PRR16: variants seen among roughly 807,000 people sequenced by gnomAD.
PRR16 encodes the protein protein Largen.
Under a neutral mutation model 18.2 loss-of-function variants are expected in PRR16, and 6 were observed. That is an observed-to-expected ratio of 0.33 (90% CI 0.18 to 0.65). The LOEUF is 0.65. PRR16 is among the 30% of genes least tolerant of loss of function. The pLI is 0.74. For missense variants in PRR16, 412 were observed against 376.6 expected, an observed-to-expected ratio of 1.09 and a Z score of -0.78; for synonymous variants, 151 against 147.8, an observed-to-expected ratio of 1.02 and a Z score of -0.16.
chr5:120,770,573 G>C, the PRR16 span, among the ~76,000 whole-genome samples: 1 of 151,954 alleles, frequency 6.6e-6, no homozygotes, highest in African/African-American at 2.4e-5. Context: ...AGCCAAGTGA[G>C]ACTGTATCAC....
intron 1 of PRR16, among the ~76,000 whole-genome samples, chr5:120,606,520 T>G (rs1754158572): frequency 6.6e-6 from 1 of 152,162 alleles, no homozygotes; most frequent in Non-Finnish European, 1.5e-5. Flanking sequence ...TTTTTCTAAG[T>G]AATATTAAAA....
chr5:120,596,843 A>G (rs1208493487), intron 1 of PRR16, among the ~76,000 whole-genome samples: 2 of 151,618 alleles, frequency 1.3e-5, no homozygotes, highest in Admixed American at 1.3e-4. Flanking sequence ...TCTGGTTTGT[A>G]TTATATGTAT....
At chr5:120,691,467 T>C (rs1317630035), downstream of PRR16, among the ~76,000 whole-genome samples, 1 of 152,198 alleles carries the variant, frequency 6.6e-6, no homozygotes, top group African/African-American at 2.4e-5. Context: ...TAGTTTTTTT[T>C]CTCTAAGTTC....
intron 1 of PRR16, among the ~76,000 whole-genome samples, chr5:120,536,281 C>A (rs565605143): frequency 2.0e-5 from 3 of 152,298 alleles, no homozygotes; most frequent in African/African-American, 7.2e-5. Flanking sequence ...AATGCTGGGA[C>A]TCTAGCAATA....
At chr5:120,724,425 C>T in the PRR16 span, among the ~76,000 whole-genome samples, 33 of 152,054 alleles carry the variant, frequency 2.2e-4, no homozygotes, top group Middle Eastern at 3.4e-3. Context: ...TGCATCTATT[C>T]CTAAGGGTTG....
intron 1 of PRR16, among the ~76,000 whole-genome samples, chr5:120,506,249 C>T (rs1380758569): frequency 6.6e-6 from 1 of 151,668 alleles, no homozygotes; most frequent in South Asian, 2.1e-4. Context: ...TTTAGGTATT[C>T]TTTATAACTT....
the PRR16 span, chr5:120,781,326 TAAAGA>T: frequency 1.3e-5 from 2 of 152,170 alleles, no homozygotes; most frequent in Non-Finnish European, 2.9e-5. Flanking sequence ...GAAGCATTTA[TAAAGA>T]AAAGAAGACC....
the PRR16 span, among the ~76,000 whole-genome samples, chr5:120,794,481 G>GTAA: frequency 6.6e-6 from 1 of 152,094 alleles, no homozygotes; most frequent in Non-Finnish European, 1.5e-5. Context: ...ATGTGTTATG[G>GTAA]TAATATGTGA....
intron 1 of PRR16, among the ~76,000 whole-genome samples, chr5:120,624,752 G>C (rs991934909): frequency 2.3e-4 from 35 of 152,242 alleles, no homozygotes; most frequent in Admixed American, 2.0e-3. Flanking sequence ...CTACTGATAT[G>C]GTATGGCTCT....
the PRR16 span, among the ~76,000 whole-genome samples, chr5:120,767,792 G>A: frequency 1.4e-4 from 22 of 151,794 alleles, no homozygotes; most frequent in Admixed American, 1.3e-3. Flanking sequence ...AGACTTCACT[G>A]AAACAAGGTT....
At chr5:120,532,875 T>A (rs1185653152) in intron 1 of PRR16, among the ~76,000 whole-genome samples, 1 of 152,178 alleles carries the variant, frequency 6.6e-6, no homozygotes, top group Admixed American at 6.5e-5. Flanking sequence ...TTTGTAAATG[T>A]CATTACAGAA....
At chr5:120,516,459 G>T (rs926466706) in intron 1 of PRR16, among the ~76,000 whole-genome samples, 2 of 141,250 alleles carry the variant, frequency 1.4e-5, no homozygotes, top group East Asian at 2.1e-4. Context: ...AAGATGTCTT[G>T]TGATATTATT....
At chr5:120,728,917 T>C in the PRR16 span, among the ~76,000 whole-genome samples, 2 of 152,184 alleles carry the variant, frequency 1.3e-5, no homozygotes, top group Non-Finnish European at 2.9e-5. Flanking sequence ...TTGGTGCTTA[T>C]ATAGCACAGA....
intron 1 of PRR16, among the ~76,000 whole-genome samples, chr5:120,471,260 A>G (rs1749260546): frequency 6.6e-6 from 1 of 152,202 alleles, no homozygotes; most frequent in Non-Finnish European, 1.5e-5. Context: ...AAAAATGTTG[A>G]TAAGAATATT....
chr5:120,593,835 A>G (rs1441171955), intron 1 of PRR16, among the ~76,000 whole-genome samples: 1 of 152,198 alleles, frequency 6.6e-6, no homozygotes, highest in Non-Finnish European at 1.5e-5. Flanking sequence ...CTGGAATACA[A>G]GTTTGGCTCA....
At chr5:120,762,665 TTG>T in the PRR16 span, among the ~76,000 whole-genome samples, 1 of 152,162 alleles carries the variant, frequency 6.6e-6, no homozygotes, top group East Asian at 1.9e-4. Context: ...CTTGAGTACC[TTG>T]TGTGTTCTAG....
the PRR16 span, among the ~76,000 whole-genome samples, chr5:120,703,048 T>C: frequency 6.6e-6 from 1 of 151,862 alleles, no homozygotes; most frequent in African/African-American, 2.4e-5. Flanking sequence ...GCGGGCTGAG[T>C]CCGAAAAGAG....
chr5:120,485,715 T>C (rs1749775403), intron 1 of PRR16, among the ~76,000 whole-genome samples: 1 of 152,122 alleles, frequency 6.6e-6, no homozygotes, highest in Non-Finnish European at 1.5e-5. Flanking sequence ...TAGTTACATA[T>C]GTATACCTGT....
the PRR16 span, among the ~76,000 whole-genome samples, chr5:120,726,967 C>G: frequency 6.6e-6 from 1 of 151,928 alleles, no homozygotes; most frequent in Non-Finnish European, 1.5e-5. Context: ...AATATTTATT[C>G]ATATTAAATG....
Sources: gnomAD v4.1 joint callset for allele counts (sites outside exome capture counted in the v4.1 genomes callset) on GRCh38, gnomAD v4.1.1 for gene constraint, MANE v1.5 for transcripts, NCBI Gene and HGNC (gene_info 2026-07-23, HGNC 2026-07-21) for gene names.